Variants in TPTE2 observed in about 807,000 individuals in gnomAD.
TPTE2 encodes phosphatidylinositol 3,4,5-trisphosphate 3-phosphatase TPTE2.
TPTE2 carries 53 observed loss-of-function variants against 78.6 expected under a neutral mutation model. The observed-to-expected ratio is 0.67, with a 90% CI of 0.54 to 0.85. TPTE2 has a LOEUF of 0.85. Among genes scored for constraint, TPTE2 ranks in the 40% least tolerant of loss-of-function variants. The pLI, the probability that TPTE2 is intolerant of heterozygous loss-of-function variation, is 0.00. For missense variants in TPTE2, 461 were observed against 623.0 expected, an observed-to-expected ratio of 0.74 and a Z score of 2.77; for synonymous variants, 175 against 206.2, an observed-to-expected ratio of 0.85 and a Z score of 1.30.
intron 3 of TPTE2, among the ~76,000 whole-genome samples, chr13:19,484,626 C>T (rs1467745414): frequency 6.6e-6 from 1 of 152,116 alleles, no homozygotes; most frequent in Non-Finnish European, 1.5e-5. Context: ...TTAATATTCA[C>T]TTTATATATC....
chr13:19,430,874 C>G (rs1876533993), intron 16 of TPTE2, among the ~76,000 whole-genome samples: 1 of 152,078 alleles, frequency 6.6e-6, no homozygotes, highest in Admixed American at 6.6e-5. Context: ...CACCTGTAAT[C>G]CTAGCACTTT....
At chr13:19,436,762 T>C (rs1210839027) in intron 14 of TPTE2, among the ~76,000 whole-genome samples, 1 of 152,108 alleles carries the variant, frequency 6.6e-6, no homozygotes, top group African/African-American at 2.4e-5. Context: ...AAATTAGGAC[T>C]TCTCTCATTC....
chr13:19,439,292 A>G (rs1310351121), intron 13 of TPTE2, among the ~76,000 whole-genome samples: 2 of 152,142 alleles, frequency 1.3e-5, no homozygotes, highest in Non-Finnish European at 2.9e-5. Context: ...ACTGGCTCAT[A>G]GGTCAAACCA....
At chr13:19,515,359 T>A (rs543858996) in intron 1 of TPTE2, among the ~76,000 whole-genome samples, 1 of 152,334 alleles carries the variant, frequency 6.6e-6, no homozygotes, top group East Asian at 1.9e-4. Context: ...TTGGAAACAA[T>A]ATATTAAATG....
chr13:19,483,511 T>C (rs1397395930), intron 3 of TPTE2, among the ~76,000 whole-genome samples: 1 of 152,154 alleles, frequency 6.6e-6, no homozygotes, highest in Non-Finnish European at 1.5e-5. Context: ...TTTTTTTGTT[T>C]CTGATTTTAC....
rs1033935901 is a variant in TPTE2 at position 19,428,831 on chromosome 13, A to C, written c.1302+1637T>G. On this transcript the variant is annotated intron_variant, in intron 17 of 19. Transcript: ENST00000400230. The stretch of plus-strand genomic sequence containing the variant: ...GGGATGACCCAGTTTATTTGGAATG[A>C]AGTCTGCTGGTCAAGCTACTGATGG... Among the ~76,000 whole-genome samples, 12 of 152,282 alleles carry C rather than the reference A, an allele frequency of 7.9e-5. No homozygotes were observed. In the East Asian group the frequency reaches 1.2e-3, roughly 15 times the overall value.
At position 19,449,538 on chromosome 13, in the gene TPTE2, T is replaced by A. The variant is rs193019002; in HGVS notation, c.973+538A>T. Reference sequence around the variant, plus strand: ...ATAGTGACCACAGTTAATAATAATGTATACTTGAAAATTGCTGAGACAGTA... The same window carrying A: ...ATAGTGACCACAGTTAATAATAATGAATACTTGAAAATTGCTGAGACAGTA... On this transcript the variant is annotated intron_variant, in intron 13 of 19. Transcript: ENST00000400230. Among the ~76,000 whole-genome samples the A allele has an allele frequency of 6.7e-3, 1,019 of 152,294 alleles. 9 individuals are homozygous for A. The highest frequency in any genetic ancestry group is 0.022 in the African/African-American group (903 of 41,566).
chr13:19,521,793 T>C (rs1213730433), intron 1 of TPTE2, among the ~76,000 whole-genome samples: 2 of 152,158 alleles, frequency 1.3e-5, no homozygotes, highest in African/African-American at 4.8e-5. Context: ...TCTCTTCCAT[T>C]GTGCTGTTAA....
upstream of TPTE2, among the ~76,000 whole-genome samples, chr13:19,537,531 G>T (rs929778815): frequency 1.4e-5 from 2 of 146,404 alleles, no homozygotes; most frequent in African/African-American, 5.0e-5. Context: ...CTGTGCCCAG[G>T]CCACCTTCTA....
chr13:19,540,059 A>G (rs35991078), upstream of TPTE2, among the ~76,000 whole-genome samples: 3 of 152,052 alleles, frequency 2.0e-5, no homozygotes, highest in African/African-American at 7.2e-5. Context: ...CAGGAGAATC[A>G]CTTGAACCCA....
chr13:19,482,518 A>G lies in TPTE2; in HGVS notation c.149T>C (p.Val50Ala), dbSNP rs138388065. The change falls in exon 4 of 20, where the codon GTT becomes GCT. Residue 50 changes from valine (V) to alanine (A), a missense_variant. Physicochemically the swap from Val to Ala is moderately conservative, Grantham distance 64 (BLOSUM62 0). Transcript: ENST00000400230. ...TGAAGCAACATTTTCAGCATCTTCA[A>G]CTTCAAACTTGGAAAGTCGTTCTAA... 88 of 1,612,802 alleles carry G rather than the reference A, an allele frequency of 5.5e-5. No homozygotes were observed. The African/African-American group carries it at 9.5e-4, about 17-fold the overall frequency.
At chr13:19,545,362 T>C in the TPTE2 span, among the ~76,000 whole-genome samples, 1 of 152,234 alleles carries the variant, frequency 6.6e-6, no homozygotes, top group Non-Finnish European at 1.5e-5. Context: ...ATCTCCCACA[T>C]GTACCTCTAG....
chr13:19,555,803 C>CTTTTTTT, the TPTE2 span, among the ~76,000 whole-genome samples: 56 of 81,058 alleles, frequency 6.9e-4, 1 homozygote, highest in African/African-American at 1.9e-3. Context: ...CAACAAATTT[C>CTTTTTTT]TTTTTTTTTT....
At chr13:19,445,800 G>T (rs1381519060) in intron 13 of TPTE2, among the ~76,000 whole-genome samples, 1 of 152,184 alleles carries the variant, frequency 6.6e-6, no homozygotes, top group Non-Finnish European at 1.5e-5. Flanking sequence ...AAGTAGCTGG[G>T]TATGGTGGCG....
chr13:19,495,613 C>T (rs931969118), intron 1 of TPTE2, among the ~76,000 whole-genome samples: 2 of 152,122 alleles, frequency 1.3e-5, no homozygotes, highest in African/African-American at 4.8e-5. Flanking sequence ...ACTCAATAGC[C>T]CAACTCTCTC....
chr13:19,483,270 G>C (rs1880465783), intron 3 of TPTE2, among the ~76,000 whole-genome samples: 1 of 152,220 alleles, frequency 6.6e-6, no homozygotes, highest in Non-Finnish European at 1.5e-5. Flanking sequence ...TGAGGATTAA[G>C]TGGTGAAGCC....
chr13:19,450,054 A>C, intron 13 of TPTE2, 22 bp downstream of exon 16: 2 of 1,608,912 alleles, frequency 1.2e-6, no homozygotes, highest in Non-Finnish European at 1.7e-6. Context: ...AAAGGGAAAA[A>C]TGAAAAGGAA....
intron 13 of TPTE2, among the ~76,000 whole-genome samples, chr13:19,443,779 C>CACAG (rs34742234): frequency 0.11 from 15,697 of 146,256 alleles, 1,378 homozygotes; most frequent in African/African-American, 0.21. Context: ...CACACACACA[C>CACAG]AGTCGTTAAG....
At chr13:19,530,814 C>T (rs968047946) in intron 1 of TPTE2, among the ~76,000 whole-genome samples, 1 of 152,136 alleles carries the variant, frequency 6.6e-6, no homozygotes, top group African/African-American at 2.4e-5. Flanking sequence ...TGTAGGCCAC[C>T]TTGCCCGGCC....
Sources: gnomAD v4.1 joint callset for allele counts (sites outside exome capture counted in the v4.1 genomes callset) on GRCh38, gnomAD v4.1.1 for gene constraint, MANE v1.5 for transcripts, NCBI Gene and HGNC (gene_info 2026-07-23, HGNC 2026-07-21) for gene names.